The following DPP10 variants were observed in gnomAD, a reference collection of about 807,000 sequenced individuals.
DPP10 encodes the protein inactive dipeptidyl peptidase 10.
A neutral mutation model predicts 120.9 loss-of-function variants in DPP10; 33 were observed. The ratio of observed to expected loss-of-function variants is 0.27; its 90% CI spans 0.21 to 0.37. The LOEUF (loss-of-function observed/expected upper bound fraction) is 0.37, where lower values mean the gene tolerates loss of function less well. Ranked by LOEUF, DPP10 falls within the 10% of genes least tolerant of loss-of-function variation. The probability of loss-of-function intolerance (pLI) is 1.00; values close to 1 mark genes in which losing one functional copy is unlikely to be tolerated. For synonymous variants in DPP10, 337 were observed against 326.1 expected (o/e 1.03, Z -0.36); for missense variants, 816 against 942.8 (o/e 0.87, Z 1.76).
At chr2:114,489,094 C>T (rs182722510) in intron 1 of DPP10, among the ~76,000 whole-genome samples, 5 of 152,316 alleles carry the variant, frequency 3.3e-5, no homozygotes, top group South Asian at 2.1e-4. Flanking sequence ...TTAGAAACTA[C>T]TTTAAATGTC....
intron 1 of DPP10, among the ~76,000 whole-genome samples, chr2:115,045,365 G>C (rs778650095): frequency 3.9e-5 from 6 of 152,020 alleles, no homozygotes; most frequent in Non-Finnish European, 5.9e-5. Flanking sequence ...TCTGACCTTT[G>C]TGAGTTTGCT....
At chr2:115,725,566 C>T (rs758185236) in intron 7 of DPP10, among the ~76,000 whole-genome samples, 1 of 152,244 alleles carries the variant, frequency 6.6e-6, no homozygotes, top group Middle Eastern at 3.4e-3. Context: ...AATGTAATTA[C>T]TGGTCAATAG....
chr2:115,575,221 A>G (rs2081579277), intron 5 of DPP10, among the ~76,000 whole-genome samples: 1 of 152,212 alleles, frequency 6.6e-6, no homozygotes, highest in African/African-American at 2.4e-5. Context: ...CAAACTGTTC[A>G]TAGTCAGATT....
intron 1 of DPP10, among the ~76,000 whole-genome samples, chr2:115,117,327 T>C (rs1482733801): frequency 3.9e-5 from 6 of 152,230 alleles, no homozygotes; most frequent in African/African-American, 1.4e-4. Context: ...GCTACCATGA[T>C]GGTGGAAAGC....
At chr2:115,237,953 A>G (rs2058081414) in intron 1 of DPP10, among the ~76,000 whole-genome samples, 1 of 152,228 alleles carries the variant, frequency 6.6e-6, no homozygotes, top group Non-Finnish European at 1.5e-5. Context: ...TGTTATAGAA[A>G]TCACAGCAAA....
chr2:115,064,883 T>C (rs1480798025), intron 1 of DPP10: 1 of 1,264,986 alleles, frequency 7.9e-7, no homozygotes, highest in African/African-American at 1.5e-5. Flanking sequence ...TTTTATTCTC[T>C]TGTACTGAAT....
At chr2:114,979,633 T>C (rs1450541766) in intron 1 of DPP10, among the ~76,000 whole-genome samples, 1 of 152,120 alleles carries the variant, frequency 6.6e-6, no homozygotes, top group Non-Finnish European at 1.5e-5. Context: ...GCAAAAGCTA[T>C]ACTTTAATCT....
In DPP10 at chr2:115,836,599, T is replaced by C. The variant is rs185669975; in HGVS notation, c.2109+34T>C. The C allele has an allele frequency of 1.4e-5, 22 of 1,610,446 alleles. No individual in the cohort carries two copies. The African/African-American group carries it at 2.0e-4, about 15-fold the overall frequency. On this transcript the variant is annotated intron_variant, in intron 23 of 25. Coordinates refer to ENST00000410059, the MANE Select transcript of DPP10 (RefSeq NM_020868.6). The stretch of plus-strand genomic sequence containing the variant: ...TTTGAAAATAACAAAGAAAGAGGAG[T>C]ATTTTTGTTCTAAAAAATTAGTTAA...
intron 5 of DPP10, among the ~76,000 whole-genome samples, chr2:115,669,639 T>C (rs760283260): frequency 1.3e-5 from 2 of 152,120 alleles, no homozygotes; most frequent in Non-Finnish European, 1.5e-5. Context: ...GCAAAATTGC[T>C]CCAGTAATGT....
intron 3 of DPP10, among the ~76,000 whole-genome samples, chr2:115,411,828 G>A (rs763790229): frequency 1.3e-5 from 2 of 152,180 alleles, no homozygotes; most frequent in Non-Finnish European, 2.9e-5. Context: ...TAGTGGAATG[G>A]TTAAATCATG....
chr2:114,617,043 C>G (rs1693727859), intron 1 of DPP10, among the ~76,000 whole-genome samples: 1 of 152,076 alleles, frequency 6.6e-6, no homozygotes, highest in Non-Finnish European at 1.5e-5. Context: ...CAGTTAACAT[C>G]AGAAAAATTC....
rs545490740 is a variant in DPP10, at chr2:115,401,618, G to A, written c.271+57706G>A. ...TGAATAGATAAATAGACGCAGGGCA[G>A]TATTCCTAGAAAACAAGGCATAAAA... is the stretch of plus-strand genomic sequence containing the variant. On this transcript the variant is annotated intron_variant, in intron 3 of 25. Transcript: ENST00000410059. Among the ~76,000 whole-genome samples, 5 of 152,068 alleles carry A rather than the reference G, an allele frequency of 3.3e-5. No homozygotes were observed. In the South Asian group the frequency reaches 8.3e-4, roughly 25 times the overall value.
At chr2:115,009,542 A>G (rs1485000174) in intron 1 of DPP10, among the ~76,000 whole-genome samples, 1 of 152,002 alleles carries the variant, frequency 6.6e-6, no homozygotes, top group Non-Finnish European at 1.5e-5. Context: ...ACTAACCTGC[A>G]CAATGTGCAC....
intron 1 of DPP10, among the ~76,000 whole-genome samples, chr2:114,964,932 T>C (rs927736061): frequency 1.3e-5 from 2 of 152,118 alleles, no homozygotes; most frequent in African/African-American, 2.4e-5. Flanking sequence ...AGTGGAACTG[T>C]TGAGAAATGT....
At chr2:115,612,675 T>C (rs1188933111) in intron 5 of DPP10, among the ~76,000 whole-genome samples, 1 of 152,160 alleles carries the variant, frequency 6.6e-6, no homozygotes, top group Non-Finnish European at 1.5e-5. Context: ...ATTATGTTCC[T>C]GGGCAAGATA....
chr2:115,137,228 A>G (rs1278722891), intron 1 of DPP10, among the ~76,000 whole-genome samples: 1 of 152,214 alleles, frequency 6.6e-6, no homozygotes, highest in Admixed American at 6.5e-5. Flanking sequence ...GCAGTGATAG[A>G]ATTACAACTA....
chr2:115,181,307 C>A (rs2054060714), intron 1 of DPP10, among the ~76,000 whole-genome samples: 1 of 152,188 alleles, frequency 6.6e-6, no homozygotes, highest in Admixed American at 6.5e-5. Flanking sequence ...TATCATATCA[C>A]TCCCTTATTC....
At chr2:115,161,862 G>C in intron 1 of DPP10, 1 of 1,243,680 alleles carries the variant, frequency 8.0e-7, no homozygotes, top group Non-Finnish European at 1.0e-6. Flanking sequence ...GATTCCGGGA[G>C]CGACGGGCGC....
intron 5 of DPP10, among the ~76,000 whole-genome samples, chr2:115,652,505 T>G (rs973651106): frequency 4.0e-5 from 6 of 151,552 alleles, no homozygotes; most frequent in African/African-American, 1.2e-4. Context: ...TAGATAGATA[T>G]AGGAATTAGC....
Sources: gnomAD v4.1 joint callset for allele counts (sites outside exome capture counted in the v4.1 genomes callset) on GRCh38, gnomAD v4.1.1 for gene constraint, MANE v1.5 for transcripts, NCBI Gene and HGNC (gene_info 2026-07-23, HGNC 2026-07-21) for gene names.